PTPRZ1: variants seen among roughly 807,000 people sequenced by gnomAD.
PTPRZ1 encodes receptor-type tyrosine-protein phosphatase zeta.
A neutral mutation model predicts 214.1 loss-of-function variants in PTPRZ1; 82 were observed. That is an observed-to-expected ratio of 0.38 (90% CI 0.32 to 0.46). The LOEUF (loss-of-function observed/expected upper bound fraction) is 0.46, where lower values mean the gene tolerates loss of function less well. Ranked by LOEUF, PTPRZ1 falls within the 20% of genes least tolerant of loss-of-function variation. PTPRZ1 has a pLI of 1.00. For synonymous variants in PTPRZ1, 945 were observed against 987.9 expected (o/e 0.96, Z 0.81); for missense variants, 2,603 against 2,748.7 (o/e 0.95, Z 1.19).
chr7:122,059,424 A>T (rs1227880647), intron 28 of PTPRZ1: 6 of 180,934 alleles, frequency 3.3e-5, no homozygotes, highest in Non-Finnish European at 5.7e-5. Flanking sequence ...ATATGTATTT[A>T]TACATTATAT....
Position 122,039,549 on chromosome 7 carries a change from T to C in PTPRZ1, c.5598T>C (p.Thr1866=). 8.7e-6 allele frequency: 14 copies of C among 1,613,954 alleles called. No individual in the cohort carries two copies. The highest frequency in any genetic ancestry group is 1.2e-5 in the Non-Finnish European group (14 of 1,179,944). The change falls in exon 20 of 30, where the codon ACT becomes ACC. Residue 1866 remains threonine, a synonymous_variant. Coordinates refer to ENST00000393386, the MANE Select transcript of PTPRZ1 (RefSeq NM_002851.3). ...GTGTGCAAGTGCTTGCCTATTATAC[T>C]GTGAGGAATTTTACTCTAAGAAACA... is the stretch of plus-strand genomic sequence containing the variant. ...QKSVQVLAYY[T]VRNFTLRNTK... is the part of the protein sequence containing the mutation.
At chr7:122,018,560 A>G (rs1340047967) in intron 12 of PTPRZ1, among the ~76,000 whole-genome samples, 6 of 152,118 alleles carry the variant, frequency 3.9e-5, no homozygotes, top group African/African-American at 1.4e-4. Context: ...AGAACATTCA[A>G]AATAACATTT....
intron 2 of PTPRZ1, among the ~76,000 whole-genome samples, chr7:121,933,243 ATCT>A (rs1368325170): frequency 6.6e-6 from 1 of 151,990 alleles, no homozygotes; most frequent in Admixed American, 6.6e-5. Flanking sequence ...GATGTTAAAA[ATCT>A]TCTTTTCGAG....
intron 13 of PTPRZ1, among the ~76,000 whole-genome samples, chr7:122,027,800 T>C (rs768569922): frequency 5.9e-5 from 9 of 152,200 alleles, no homozygotes; most frequent in Non-Finnish European, 1.0e-4. Context: ...TCAGGTGATA[T>C]TGTAGATCAT....
chr7:122,010,954 A>G lies in PTPRZ1; in HGVS notation c.1908A>G (p.Ser636=), dbSNP rs1383085317. 3.1e-6 allele frequency: 5 copies of G among 1,614,070 alleles called. No individual in the cohort carries two copies. In the African/African-American group the frequency reaches 5.3e-5, roughly 17 times the overall value. The part of the protein sequence containing the change: ...SARNASEDST[S]SGSEESLKDP... ...GAAATGCTTCCGAAGATTCAACTTCATCAGGTTCAGAAGAATCACTAAAGG... is the reference window on the plus strand; with the variant it reads ...GAAATGCTTCCGAAGATTCAACTTCGTCAGGTTCAGAAGAATCACTAAAGG... Residue 636 remains serine (S), a synonymous_variant, in exon 12 of 30, where the codon TCA becomes TCG. Transcript: ENST00000393386.
chr7:122,019,843 T>C (rs1198850537), intron 13 of PTPRZ1, among the ~76,000 whole-genome samples: 2 of 152,178 alleles, frequency 1.3e-5, no homozygotes, highest in Non-Finnish European at 2.9e-5. Flanking sequence ...GTCAATAATC[T>C]ATTAAGTCCC....
intron 8 of PTPRZ1, 35 bp from the exon 9 acceptor site, chr7:121,996,347 G>A (rs751715530): frequency 1.3e-6 from 2 of 1,493,738 alleles, no homozygotes; most frequent in African/African-American, 1.4e-5. Context: ...TCAAGGCTAA[G>A]TTCTATCAAC....
chr7:121,933,594 G>A (rs536469011), intron 2 of PTPRZ1, among the ~76,000 whole-genome samples: 8 of 152,104 alleles, frequency 5.3e-5, no homozygotes, highest in East Asian at 1.9e-4. Flanking sequence ...TTTAAATATC[G>A]AATTGATTCT....
chr7:121,948,190 TGA>T (rs1796442741), intron 2 of PTPRZ1, among the ~76,000 whole-genome samples: 1 of 152,132 alleles, frequency 6.6e-6, no homozygotes, highest in Non-Finnish European at 1.5e-5. Flanking sequence ...AATAAATTGG[TGA>T]GTATCACCTG....
At chr7:122,027,894 T>A (rs1256430706) in intron 13 of PTPRZ1, among the ~76,000 whole-genome samples, 2 of 152,138 alleles carry the variant, frequency 1.3e-5, no homozygotes, top group African/African-American at 2.4e-5. Context: ...TCGCCCCTAT[T>A]TTTGGTTGTA....
intron 21 of PTPRZ1, 120 bp from the exon 22 acceptor site, chr7:122,042,488 G>A (rs1326106469): frequency 7.2e-6 from 7 of 973,924 alleles, no homozygotes; most frequent in Admixed American, 6.2e-5. Flanking sequence ...AATGTATTGT[G>A]TGGCTCACTC....
intron 2 of PTPRZ1, among the ~76,000 whole-genome samples, chr7:121,928,451 C>G (rs1795828987): frequency 6.6e-6 from 1 of 152,098 alleles, no homozygotes; most frequent in African/African-American, 2.4e-5. Flanking sequence ...GTATTTGAAG[C>G]TCAGGCCCAA....
chr7:121,987,856 A>T (rs1039300981), intron 8 of PTPRZ1, among the ~76,000 whole-genome samples: 1 of 152,236 alleles, frequency 6.6e-6, no homozygotes, highest in African/African-American at 2.4e-5. Flanking sequence ...AAATGAAATC[A>T]TGTTTTTTTG....
At chr7:122,049,296 A>G (rs1048321047) in intron 23 of PTPRZ1, among the ~76,000 whole-genome samples, 25 of 152,078 alleles carry the variant, frequency 1.6e-4, no homozygotes, top group Non-Finnish European at 2.6e-4. Context: ...AGGAATGTCA[A>G]TTATTGGCCC....
chr7:121,946,864 A>G (rs966582915), intron 2 of PTPRZ1, among the ~76,000 whole-genome samples: 4 of 152,198 alleles, frequency 2.6e-5, no homozygotes, highest in African/African-American at 9.6e-5. Context: ...GAGACATCAG[A>G]CAAACTCAAA....
chr7:122,012,096 A>G lies in PTPRZ1; in HGVS notation c.3050A>G (p.Asn1017Ser). ...GACACAGATGGGCTGACAGCCCTTAACATTTCTTCACCTGTTTCTGTAGCT... is the reference window on the plus strand; with the variant it reads ...GACACAGATGGGCTGACAGCCCTTAGCATTTCTTCACCTGTTTCTGTAGCT... ...LPDTDGLTALNISSPVSVAEF... is the reference protein window; with the variant it reads ...LPDTDGLTALSISSPVSVAEF... The change falls in exon 12 of 30, where the codon AAC becomes AGC. Residue 1017 changes from asparagine (N) to serine (S), a missense_variant. Asn to Ser is a conservative substitution (Grantham distance 46, BLOSUM62 1). Coordinates refer to ENST00000393386, the MANE Select transcript of PTPRZ1 (RefSeq NM_002851.3). 6.2e-7 allele frequency: 1 copy of G among 1,614,050 alleles called. No homozygotes were observed. The highest frequency in any genetic ancestry group is 1.1e-5 in the South Asian group (1 of 91,080).
chr7:121,883,219 G>A lies in PTPRZ1; in HGVS notation c.58+9662G>A, dbSNP rs543284725. 2.2e-4 allele frequency among the ~76,000 whole-genome samples: 33 copies of A among 152,264 alleles called. No homozygotes were observed. In the South Asian group the frequency reaches 6.8e-3, roughly 32 times the overall value. ...CTCAGTGCCTTGAGTAGAAATAAGA[G>A]GAAATAGTGCTGCTAAAAATGATTA... is the stretch of plus-strand genomic sequence containing the variant. On this transcript the variant is annotated intron_variant, in intron 1 of 29. Transcript: ENST00000393386.
chr7:122,057,028 A>T (rs1792372630), intron 27 of PTPRZ1, among the ~76,000 whole-genome samples: 1 of 151,840 alleles, frequency 6.6e-6, no homozygotes, highest in Non-Finnish European at 1.5e-5. Flanking sequence ...TTACATGCAA[A>T]TTATTACTTG....
rs867211731 is a variant in PTPRZ1, at chr7:122,038,763, C to T, written c.5376C>T (p.Asn1792=). 5.6e-6 allele frequency: 9 copies of T among 1,613,516 alleles called. No individual in the cohort carries two copies. Among genetic ancestry groups the T allele is most frequent in the Non-Finnish European group, 7.6e-6 (9 of 1,179,650 alleles). ...GTCATTTAATTCTTCAGGGCTACAA[C>T]AGACCAAAAGCTTATATTGCTGCCC... The part of the protein sequence containing the change: ...YINANYVDGY[N]RPKAYIAAQG... The change falls in exon 19 of 30, where the codon AAC becomes AAT. Residue 1792 remains asparagine (N), a synonymous_variant. Coordinates refer to ENST00000393386, the MANE Select transcript of PTPRZ1 (RefSeq NM_002851.3).
Sources: gnomAD v4.1 joint callset for allele counts (sites outside exome capture counted in the v4.1 genomes callset) on GRCh38, gnomAD v4.1.1 for gene constraint, MANE v1.5 for transcripts, NCBI Gene and HGNC (gene_info 2026-07-23, HGNC 2026-07-21) for gene names.